Variants in LRRFIP1 observed in about 807,000 individuals in gnomAD.
The protein encoded by LRRFIP1 is leucine-rich repeat flightless-interacting protein 1.
A neutral mutation model predicts 104.4 loss-of-function variants in LRRFIP1; 62 were observed. That is an observed-to-expected ratio of 0.59 (90% CI 0.48 to 0.73). The LOEUF (loss-of-function observed/expected upper bound fraction) is 0.73. LRRFIP1 is among the 30% of genes least tolerant of loss of function. The probability of loss-of-function intolerance (pLI) is 0.00; values close to 1 mark genes in which losing one functional copy is unlikely to be tolerated. For synonymous variants in LRRFIP1, 300 were observed against 299.0 expected (o/e 1.00, Z -0.03); for missense variants, 796 against 824.5 (o/e 0.97, Z 0.42).
At chr2:237,771,479 CA>C (rs1364889058) in intron 20 of LRRFIP1, among the ~76,000 whole-genome samples, 2 of 148,182 alleles carry the variant, frequency 1.3e-5, no homozygotes, top group Non-Finnish European at 3.0e-5. Flanking sequence ...TAGGTTTCTG[CA>C]AATACTGCAC....
chr2:237,735,408 C>T lies in LRRFIP1; in HGVS notation c.555+75C>T. ...CTGGGGATGCTCGCTGGGCAGGGTC[C>T]AGCCGTGGGGGGTGACTGGCCATTC... On this transcript the variant is annotated intron_variant, in intron 10 of 23. Coordinates refer to ENST00000308482, the MANE Select transcript of LRRFIP1 (RefSeq NM_001137550.2). This position sits in a 1 kb window ranked among gnomAD's most constrained non-coding sequence, Gnocchi z 4.6. The T allele has an allele frequency of 7.0e-7, 1 of 1,427,216 alleles. No homozygotes were observed. The highest frequency in any genetic ancestry group is 9.5e-7 in the Non-Finnish European group (1 of 1,049,270). The allele number at this position is 1,427,216 out of a possible 1,614,324, so 88.4% of individuals were successfully genotyped here. A position where few individuals can be genotyped will look rare whatever the true frequency, so the allele number is the denominator to read the frequency against.
chr2:237,700,736 A>C (rs557982958), intron 1 of LRRFIP1, among the ~76,000 whole-genome samples: 1 of 152,280 alleles, frequency 6.6e-6, no homozygotes, highest in Admixed American at 6.5e-5. Flanking sequence ...GGCTCCTGGC[A>C]AACGGCGGGC....
chr2:237,685,517 C>T (rs1181107930), intron 1 of LRRFIP1, among the ~76,000 whole-genome samples: 1 of 152,116 alleles, frequency 6.6e-6, no homozygotes, highest in Admixed American at 6.5e-5. Context: ...TCCTTATCCT[C>T]CCTCAACTCT....
At chr2:237,643,735 G>GATGAATGAATGAATGAATGA (rs58632926) in intron 1 of LRRFIP1, among the ~76,000 whole-genome samples, 4 of 151,410 alleles carry the variant, frequency 2.6e-5, no homozygotes, top group African/African-American at 9.7e-5. Context: ...TACAGGAACA[G>GATGAATGAATGAATGAATGA]ATGAATGAAT....
At chr2:237,723,734 A>C (rs3769085) in intron 7 of LRRFIP1, 148 bp downstream of exon 7, 205,670 of 938,752 alleles carry the variant, frequency 0.22, 25,172 homozygotes, top group South Asian at 0.32. Context: ...CTTACCCTGC[A>C]GAGTGAGCAG....
chr2:237,668,127 C>T (rs1044935814), intron 1 of LRRFIP1, among the ~76,000 whole-genome samples: 2 of 152,066 alleles, frequency 1.3e-5, no homozygotes, highest in East Asian at 1.9e-4. Flanking sequence ...CTGCCTGAGC[C>T]GGGGCTCCCC....
intron 7 of LRRFIP1, among the ~76,000 whole-genome samples, chr2:237,724,778 G>A (rs2150233954): frequency 6.6e-6 from 1 of 152,100 alleles, no homozygotes; most frequent in South Asian, 2.1e-4. Context: ...AAATGTATAT[G>A]TTAGCAATGG....
intron 11 of LRRFIP1, among the ~76,000 whole-genome samples, chr2:237,743,260 G>A (rs937559773): frequency 8.6e-5 from 13 of 151,962 alleles, no homozygotes; most frequent in African/African-American, 3.1e-4. Flanking sequence ...GGAGATACAG[G>A]TGCACAGGTG....
At position 237,733,819 on chromosome 2, in the gene LRRFIP1, G is replaced by A. The variant is rs751251220; in HGVS notation, c.489+1G>A. ...TGCCCGGCCTTCGGGGAGTTACCGG[G>A]TGCGTGTGCTGCCCACCCTGCTGCC... On this transcript the variant is annotated splice_donor_variant, in intron 9 of 23. Transcript: ENST00000308482. LOFTEE classifies it high-confidence loss of function. 1 of 1,613,982 alleles carries A rather than the reference G, an allele frequency of 6.2e-7. No homozygotes were observed. The highest frequency in any genetic ancestry group is 1.1e-5 in the South Asian group (1 of 91,084).
At chr2:237,708,739 G>C in intron 2 of LRRFIP1, 109 bp downstream of exon 2, 1 of 1,257,048 alleles carries the variant, frequency 8.0e-7, no homozygotes, top group Non-Finnish European at 1.1e-6. Context: ...GTCTCACGTT[G>C]CTCACGGTCA....
chr2:237,779,271 G>T, intron 23 of LRRFIP1, 151 bp from the exon 24 acceptor site: 1 of 1,242,994 alleles, frequency 8.0e-7, no homozygotes, highest in South Asian at 1.6e-5. Context: ...CTGGAGTCCA[G>T]TTGTTTCAGA....
chr2:237,771,909 T>A (rs1553714672), intron 20 of LRRFIP1, 172 bp from the exon 21 acceptor site: 2 of 591,400 alleles, frequency 3.4e-6, no homozygotes, highest in Non-Finnish European at 6.1e-6. Context: ...TACAGTGTAA[T>A]TCATTTTTCA....
At position 237,682,343 on chromosome 2, in the gene LRRFIP1, C is replaced by T. The variant is rs571531993; in HGVS notation, c.97-26201C>T. Among the ~76,000 whole-genome samples the T allele has an allele frequency of 3.9e-5, 6 of 152,352 alleles. No individual in the cohort carries two copies. In the South Asian group the frequency reaches 1.2e-3, roughly 32 times the overall value. On this transcript the variant is annotated intron_variant, in intron 1 of 23. Coordinates refer to ENST00000308482, the MANE Select transcript of LRRFIP1 (RefSeq NM_001137550.2). ...TCCTCCGGGCAGTCCTGTCTGCTGG[C>T]TGTCTCTCTCCCTGCTTTACGTAGG...
At chr2:237,775,687 A>G (rs938514722) in intron 23 of LRRFIP1, among the ~76,000 whole-genome samples, 2 of 152,044 alleles carry the variant, frequency 1.3e-5, no homozygotes, top group African/African-American at 4.8e-5. Flanking sequence ...CAAAAAAACT[A>G]ATTAGCCGGG....
At chr2:237,638,283 T>A (rs991686766) in intron 1 of LRRFIP1, among the ~76,000 whole-genome samples, 37 of 152,276 alleles carry the variant, frequency 2.4e-4, no homozygotes, top group African/African-American at 8.7e-4. Context: ...ACAACCTAGA[T>A]CCCTCATATG....
chr2:237,722,774 G>A (rs564778525), intron 6 of LRRFIP1, among the ~76,000 whole-genome samples: 1 of 152,238 alleles, frequency 6.6e-6, no homozygotes, highest in African/African-American at 2.4e-5. Flanking sequence ...AGAGGCCTGC[G>A]TGGGGTCACA....
At chr2:237,632,127 G>T (rs7571962) in intron 1 of LRRFIP1, among the ~76,000 whole-genome samples, 5 of 83,078 alleles carry the variant, frequency 6.0e-5, no homozygotes, top group Non-Finnish European at 1.3e-4. Flanking sequence ...AGAAGGGGTC[G>T]CACTGCCCCC....
chr2:237,684,107 C>T (rs1338853200), intron 1 of LRRFIP1: 1 of 151,874 alleles, frequency 6.6e-6, no homozygotes, highest in Non-Finnish European at 1.5e-5. Context: ...ATTACTGAGG[C>T]AAAGCCACAT....
intron 11 of LRRFIP1, among the ~76,000 whole-genome samples, chr2:237,744,173 A>G (rs923341460): frequency 1.3e-5 from 2 of 152,366 alleles, no homozygotes; most frequent in South Asian, 4.1e-4. Flanking sequence ...TTGGATTTAA[A>G]ACCAAAAACC....
Sources: allele counts gnomAD v4.1 joint callset (sites outside exome capture counted in the v4.1 genomes callset), GRCh38; gene constraint gnomAD v4.1.1; non-coding constraint Gnocchi (gnomAD v3.1); transcripts MANE v1.5; gene names NCBI Gene and HGNC (gene_info 2026-07-23, HGNC 2026-07-21).